IL1RAPL2: variants seen among roughly 807,000 people sequenced by gnomAD.
The protein encoded by IL1RAPL2 is interleukin 1 receptor accessory protein like 2, also known as X-linked interleukin-1 receptor accessory protein-like 2.
Under a neutral mutation model 44.1 loss-of-function variants are expected in IL1RAPL2, and 3 were observed. That is an observed-to-expected ratio of 0.07 (90% CI 0.03 to 0.18). The LOEUF is 0.18. Ranked by LOEUF, IL1RAPL2 falls within the 10% of genes least tolerant of loss-of-function variation. The pLI is 1.00. For synonymous variants in IL1RAPL2, 181 were observed against 178.8 expected (o/e 1.01, Z -0.10); for missense variants, 391 against 496.4 (o/e 0.79, Z 2.02).
At chrX:105,191,073 C>A in intron 2 of IL1RAPL2, among the ~76,000 whole-genome samples, 1 of 112,515 alleles carries the variant, frequency 8.9e-6, no homozygotes, top group Non-Finnish European at 1.9e-5. Context: ...TCTTTGGAAT[C>A]TTTATGTCAA....
At chrX:104,607,079 A>C (rs997850149) in intron 1 of IL1RAPL2, among the ~76,000 whole-genome samples, 10 of 111,747 alleles carry the variant, frequency 8.9e-5, no homozygotes, top group African/African-American at 9.8e-5. Flanking sequence ...CTCGGGAACA[A>C]CACCACACAT....
At chrX:105,234,940 G>T (rs1289067124) in intron 4 of IL1RAPL2, among the ~76,000 whole-genome samples, 2 of 111,397 alleles carry the variant, frequency 1.8e-5, no homozygotes, top group East Asian at 5.6e-4. Flanking sequence ...GGAAGGAGCA[G>T]TGTCACTGGA....
At chrX:105,546,911 T>C (rs373472218) in intron 6 of IL1RAPL2, among the ~76,000 whole-genome samples, 3 of 112,312 alleles carry the variant, frequency 2.7e-5, no homozygotes, top group East Asian at 5.6e-4. Flanking sequence ...GGTCCTAAAA[T>C]GGCTTTAAAT....
At chrX:104,763,557 C>T (rs1213837685) in intron 2 of IL1RAPL2, among the ~76,000 whole-genome samples, 1 of 111,818 alleles carries the variant, frequency 8.9e-6, no homozygotes, top group Non-Finnish European at 1.9e-5. Context: ...TTAATCTGTT[C>T]TTGCATTGCT....
chrX:105,330,382 A>G (rs999859274), intron 5 of IL1RAPL2, among the ~76,000 whole-genome samples: 2 of 111,218 alleles, frequency 1.8e-5, no homozygotes, highest in African/African-American at 6.5e-5. Context: ...AATAAATCAG[A>G]CAGCAGTGAT....
At chrX:104,593,249 G>A (rs1389419554) in intron 1 of IL1RAPL2, among the ~76,000 whole-genome samples, 2 of 111,469 alleles carry the variant, frequency 1.8e-5, no homozygotes, top group Non-Finnish European at 3.8e-5. Context: ...TGACCAAATA[G>A]CAATTTAAAA....
At chrX:105,487,400 C>T (rs1236256901) in intron 6 of IL1RAPL2, among the ~76,000 whole-genome samples, 2 of 111,685 alleles carry the variant, frequency 1.8e-5, no homozygotes, top group Admixed American at 9.5e-5. Context: ...GTACTACCAT[C>T]CTATAAGATT....
At chrX:105,069,323 A>T (rs1473699839) in intron 2 of IL1RAPL2, among the ~76,000 whole-genome samples, 1 of 112,734 alleles carries the variant, frequency 8.9e-6, no homozygotes, top group Non-Finnish European at 1.9e-5. Flanking sequence ...GTGAATAAAA[A>T]TATTAATTTT....
chrX:104,880,669 A>T (rs1328278798), intron 2 of IL1RAPL2, among the ~76,000 whole-genome samples: 4 of 112,198 alleles, frequency 3.6e-5, no homozygotes, highest in Non-Finnish European at 7.5e-5. Context: ...TAACAAGTAC[A>T]TCACAAAAAT....
intron 6 of IL1RAPL2, among the ~76,000 whole-genome samples, chrX:105,604,049 G>GA (rs781744722): frequency 9.1e-6 from 1 of 109,351 alleles, no homozygotes; most frequent in African/African-American, 3.3e-5. Context: ...ACACCTACAT[G>GA]AAAAAAAAGT....
At chrX:104,794,009 A>C (rs1348601421) in intron 2 of IL1RAPL2, among the ~76,000 whole-genome samples, 1 of 111,925 alleles carries the variant, frequency 8.9e-6, no homozygotes, top group Non-Finnish European at 1.9e-5. Context: ...TCAGCCATTG[A>C]CTAACTCACC....
At chrX:105,507,196 T>C (rs1235159683) in intron 6 of IL1RAPL2, among the ~76,000 whole-genome samples, 2 of 111,950 alleles carry the variant, frequency 1.8e-5, no homozygotes, top group African/African-American at 6.5e-5. Context: ...ATTCTTACTC[T>C]GTCAAGAGAA....
intron 2 of IL1RAPL2, among the ~76,000 whole-genome samples, chrX:104,926,219 A>G (rs189555120): frequency 8.9e-6 from 1 of 112,173 alleles, no homozygotes; most frequent in African/African-American, 3.2e-5. Flanking sequence ...ATCATTTCCA[A>G]TGTCTGAAGC....
intron 7 of IL1RAPL2, among the ~76,000 whole-genome samples, chrX:105,719,697 G>C (rs113680652): frequency 0.043 from 4,653 of 108,752 alleles, 265 homozygotes; most frequent in African/African-American, 0.15. Flanking sequence ...TACTTTTAAT[G>C]GATAGATTAT....
At chrX:104,612,962 G>C (rs908190243) in intron 1 of IL1RAPL2, among the ~76,000 whole-genome samples, 2 of 110,897 alleles carry the variant, frequency 1.8e-5, no homozygotes, top group Non-Finnish European at 3.8e-5. Context: ...TTCTTGATTT[G>C]TCTCTCAGCT....
rs185742240 is a variant in IL1RAPL2, at chrX:104,628,083, T to A, written c.-19-30812T>A. Among the ~76,000 whole-genome samples the A allele has an allele frequency of 1.4e-4, 16 of 111,842 alleles. No individual in the cohort carries two copies. The East Asian group carries it at 4.5e-3, about 31-fold the overall frequency. On this transcript the variant is annotated intron_variant, in intron 1 of 10. Transcript: ENST00000372582. Reference sequence around the variant, plus strand: ...TCATGATACATAATATTTTTACATATGTATGGGGTACATGTGATATTTTGT... The same window carrying A: ...TCATGATACATAATATTTTTACATAAGTATGGGGTACATGTGATATTTTGT...
chrX:105,152,363 A>G (rs1172789696), intron 2 of IL1RAPL2, among the ~76,000 whole-genome samples: 2 of 111,872 alleles, frequency 1.8e-5, no homozygotes. Flanking sequence ...ATAACAAGGA[A>G]ACTTCTTATT....
chrX:104,761,581 G>A (rs1932428559), intron 2 of IL1RAPL2, among the ~76,000 whole-genome samples: 1 of 111,198 alleles, frequency 9.0e-6, no homozygotes, highest in Admixed American at 9.5e-5. Context: ...ACTCATTCCA[G>A]GATTAACCCA....
intron 5 of IL1RAPL2, among the ~76,000 whole-genome samples, chrX:105,333,492 A>G (rs1215320928): frequency 8.9e-6 from 1 of 111,840 alleles, no homozygotes; most frequent in Admixed American, 9.6e-5. Context: ...AGCACAGGCA[A>G]CCAATGCAAA....
Sources: allele counts gnomAD v4.1 joint callset (sites outside exome capture counted in the v4.1 genomes callset), GRCh38; gene constraint gnomAD v4.1.1; transcripts MANE v1.5; gene names NCBI Gene and HGNC (gene_info 2026-07-23, HGNC 2026-07-21).